Variants in PPP2R1B observed in about 807,000 individuals in gnomAD.
PPP2R1B encodes the protein protein phosphatase 2 scaffold subunit Abeta.
A neutral mutation model predicts 72.7 loss-of-function variants in PPP2R1B; 58 were observed. The observed-to-expected ratio is 0.80, with a 90% CI of 0.65 to 0.99. The LOEUF is 0.99. Among genes scored for constraint, PPP2R1B ranks in the 50% least tolerant of loss-of-function variants. The pLI is 0.00. For synonymous variants in PPP2R1B, 256 were observed against 264.6 expected (o/e 0.97, Z 0.32); for missense variants, 695 against 733.6 (o/e 0.95, Z 0.61).
chr11:111,723,567 CAG>C, downstream of PPP2R1B: 1 of 1,614,204 alleles, frequency 6.2e-7, no homozygotes, highest in Non-Finnish European at 8.5e-7. Context: ...ATGCAGATAG[CAG>C]AGAGCTCCTA....
At chr11:111,698,553 G>A in the PPP2R1B span, among the ~76,000 whole-genome samples, 3 of 152,150 alleles carry the variant, frequency 2.0e-5, no homozygotes, top group Non-Finnish European at 4.4e-5. Context: ...ACCAGCCTGG[G>A]AAACATGGCA....
the PPP2R1B span, among the ~76,000 whole-genome samples, chr11:111,689,121 G>C: frequency 1.3e-5 from 2 of 152,252 alleles, no homozygotes; most frequent in South Asian, 4.2e-4. Flanking sequence ...TTGGAATGTT[G>C]GGGAACTGTA....
chr11:111,705,937 A>G, the PPP2R1B span, among the ~76,000 whole-genome samples: 5 of 152,210 alleles, frequency 3.3e-5, no homozygotes, highest in Non-Finnish European at 7.3e-5. This position sits in a 1 kb window ranked among gnomAD's most constrained non-coding sequence, Gnocchi z 4.3. Flanking sequence ...TGGAAGTAGA[A>G]AAGAAGGGGC....
Position 111,738,102 on chromosome 11 carries a change from G to A in PPP2R1B, c.*3494C>T. 1 of 989,506 alleles carries A rather than the reference G, an allele frequency of 1.0e-6. No individual in the cohort carries two copies. Among genetic ancestry groups the A allele is most frequent in the Non-Finnish European group, 1.2e-6 (1 of 831,690 alleles). 61.3% of individuals were successfully genotyped at this position (989,506 alleles called of 1,614,324 possible). ...GAGACATGCGAGGGAAGAGGAAAGA[G>A]GAGAGTAAGGAACTGGATGGAAACA... On this transcript the variant is annotated 3_prime_UTR_variant, in exon 15 of 15. Coordinates refer to ENST00000527614, the MANE Select transcript of PPP2R1B (RefSeq NM_002716.5).
At position 111,741,239 on chromosome 11, in the gene PPP2R1B, C is replaced by T. The variant is rs1016718883; in HGVS notation, c.*357G>A. 13 of 1,059,296 alleles carry T rather than the reference C, an allele frequency of 1.2e-5. No individual in the cohort carries two copies. The highest frequency in any genetic ancestry group is 3.9e-5 in the South Asian group (1 of 25,586). The allele number at this position is 1,059,296 out of a possible 1,614,324, so 65.6% of individuals were successfully genotyped here. ...ACGTCAAGAGAATCACTCCACTCCA[C>T]GTCTGGGTCCACACCCTTCCAGGCT... On this transcript the variant is annotated 3_prime_UTR_variant, in exon 15 of 15. Transcript: ENST00000527614.
rs1805390896 is a variant in PPP2R1B, at chr11:111,740,664, A to G, written c.*932T>C. The G allele has an allele frequency of 1.0e-6, 1 of 985,250 alleles. No homozygotes were observed. Among genetic ancestry groups the G allele is most frequent in the South Asian group, 4.7e-5 (1 of 21,294 alleles). The allele number at this position is 985,250 out of a possible 1,614,324, so 61.0% of individuals were successfully genotyped here. On this transcript the variant is annotated 3_prime_UTR_variant, in exon 15 of 15. Transcript: ENST00000527614. ...TATCACCCATACTAAAAACTTAGCA[A>G]TAAAACTGCAGTTTGAAAAGCTACT... is the stretch of plus-strand genomic sequence containing the variant.
the PPP2R1B span, chr11:111,720,571 A>C: frequency 6.2e-7 from 1 of 1,614,114 alleles, no homozygotes; most frequent in Non-Finnish European, 8.5e-7. Flanking sequence ...AACTTTCTGG[A>C]AGACAACCCT....
At chr11:111,755,238 A>G in intron 6 of PPP2R1B, 57 bp downstream of exon 6, 1 of 1,558,112 alleles carries the variant, frequency 6.4e-7, no homozygotes, top group East Asian at 2.2e-5. Context: ...TGGGTACAAC[A>G]GCAAATCTAT....
chr11:111,702,000 G>A, the PPP2R1B span, among the ~76,000 whole-genome samples: 3 of 152,126 alleles, frequency 2.0e-5, no homozygotes, highest in Non-Finnish European at 2.9e-5. This position sits in a 1 kb window ranked among gnomAD's most constrained non-coding sequence, Gnocchi z 4.2. Flanking sequence ...CCTGCCTGTC[G>A]TGTATTGAGC....
Position 111,742,551 on chromosome 11 carries a change from G to A in PPP2R1B, c.1669C>T (p.Gln557Ter), listed in dbSNP as rs1208294048. The change falls in exon 13 of 15, where the codon CAA (glutamine) becomes TAA (stop). Residue 557 changes from glutamine (Q) to a stop codon, truncating the protein, a stop_gained. Transcript: ENST00000527614. LOFTEE classifies it high-confidence loss of function. The stretch of plus-strand genomic sequence containing the variant: ...GTATCTAGAATTGGTCCAATCTTTT[G>A]TAGAGATTTGGCCACATTGAAGCGA... Reference protein sequence around the residue: ...NVRFNVAKSLQKIGPILDTNA... With the variant: ...NVRFNVAKSL 1.9e-5 allele frequency: 31 copies of A among 1,613,586 alleles called. No homozygotes were observed. Among genetic ancestry groups the A allele is most frequent in the Non-Finnish European group, 2.6e-5 (31 of 1,179,900 alleles).
chr11:111,720,233 C>T, the PPP2R1B span, among the ~76,000 whole-genome samples: 1 of 152,168 alleles, frequency 6.6e-6, no homozygotes, highest in Non-Finnish European at 1.5e-5. Flanking sequence ...CTGGGTGCCA[C>T]GTGATTGATC....
At chr11:111,733,866 G>A (rs575759326), downstream of PPP2R1B, among the ~76,000 whole-genome samples, 1 of 152,320 alleles carries the variant, frequency 6.6e-6, no homozygotes, top group African/African-American at 2.4e-5. Flanking sequence ...GGAGGGCTAG[G>A]CACAGAGCAA....
At chr11:111,719,121 C>T in the PPP2R1B span, among the ~76,000 whole-genome samples, 1 of 152,162 alleles carries the variant, frequency 6.6e-6, no homozygotes, top group Non-Finnish European at 1.5e-5. Context: ...GGCCAGTGAG[C>T]CCTTTGTTAT....
rs952886198 is a variant in PPP2R1B, at chr11:111,739,269, C to T, written c.*2327G>A. The T allele has an allele frequency of 3.1e-6, 3 of 971,888 alleles. No individual in the cohort carries two copies. The highest frequency in any genetic ancestry group is 4.8e-5 in the South Asian group (1 of 20,984). 60.2% of individuals were successfully genotyped at this position (971,888 alleles called of 1,614,324 possible). ...GTAGAAGATAAAACAGACAAAAATA[C>T]CAGCCTTACAGAGCTCCTAAAGCCT... On this transcript the variant is annotated 3_prime_UTR_variant, in exon 15 of 15. Coordinates refer to ENST00000527614, the MANE Select transcript of PPP2R1B (RefSeq NM_002716.5).
At chr11:111,754,435 AAAT>A (rs1185265525) in intron 8 of PPP2R1B, 61 bp downstream of exon 8, 7 of 1,552,872 alleles carry the variant, frequency 4.5e-6, no homozygotes, top group South Asian at 1.2e-5. Context: ...AAACAAACAA[AAAT>A]AATGAGATTA....
intron 3 of PPP2R1B, 148 bp downstream of exon 3, chr11:111,764,657 G>A: frequency 1.3e-6 from 1 of 753,822 alleles, no homozygotes; most frequent in Non-Finnish European, 2.1e-6. Context: ...AGTGCCTACA[G>A]TACTTATTCT....
rs1254246479 is a variant in PPP2R1B at position 111,755,320 on chromosome 11, T to C, written c.818A>G (p.Tyr273Cys). 9 of 1,610,860 alleles carry C rather than the reference T, an allele frequency of 5.6e-6. No individual in the cohort carries two copies. Among genetic ancestry groups the C allele is most frequent in the Admixed American group, 1.7e-5 (1 of 59,082 alleles). Residue 273 changes from tyrosine (Y) to cysteine (C), a missense_variant, in exon 6 of 15, where the codon TAT becomes TGT. Physicochemically the swap from Tyr to Cys is radical, Grantham distance 194. Transcript: ENST00000527614. Reference sequence around the variant, plus strand: ...CTCTGAAAATCTGTCAGCCACCATATAGCGAACGCGCCAAGATTTATCTTC... The same window carrying C: ...CTCTGAAAATCTGTCAGCCACCATACAGCGAACGCGCCAAGATTTATCTTC... ...AAEDKSWRVR[Y>C]MVADRFSELQ...
the PPP2R1B span, chr11:111,721,094 C>A: frequency 6.3e-6 from 10 of 1,591,324 alleles, no homozygotes; most frequent in Non-Finnish European, 8.5e-6. Flanking sequence ...CTCAATGGCT[C>A]TGTGAGGATG....
the PPP2R1B span, among the ~76,000 whole-genome samples, chr11:111,702,595 A>T: frequency 6.6e-6 from 1 of 152,210 alleles, no homozygotes; most frequent in Non-Finnish European, 1.5e-5. Flanking sequence ...AATAGGCATA[A>T]TCTGTGTAAA....
Sources: gnomAD v4.1 joint callset for allele counts (sites outside exome capture counted in the v4.1 genomes callset) on GRCh38, gnomAD v4.1.1 for gene constraint, Gnocchi (gnomAD v3.1) non-coding constraint, MANE v1.5 for transcripts, NCBI Gene and HGNC (gene_info 2026-07-23, HGNC 2026-07-21) for gene names.